CFAP299: variants seen among roughly 807,000 people sequenced by gnomAD.
CFAP299 encodes the protein cilia and flagella associated protein 299, also known as cilia- and flagella-associated protein 299.
CFAP299 carries 21 observed loss-of-function variants against 27.0 expected under a neutral mutation model. The observed-to-expected ratio is 0.78, with a 90% CI of 0.55 to 1.12. The LOEUF (loss-of-function observed/expected upper bound fraction) is 1.12, where lower values mean the gene tolerates loss of function less well. Ranked by LOEUF, CFAP299 falls within the 50% of genes most tolerant of loss-of-function variation. CFAP299 has a pLI of 0.00. For missense variants in CFAP299, 310 were observed against 276.6 expected (o/e 1.12, Z -0.86); for synonymous variants, 104 against 98.1 (o/e 1.06, Z -0.36).
intron 3 of CFAP299, among the ~76,000 whole-genome samples, chr4:80,779,644 C>G (rs1726756414): frequency 6.6e-6 from 1 of 151,936 alleles, no homozygotes; most frequent in African/African-American, 2.4e-5. Flanking sequence ...GTCTTCTTAA[C>G]CTTCCTTCAG....
chr4:80,861,920 G>A (rs1323304394), intron 3 of CFAP299, among the ~76,000 whole-genome samples: 1 of 151,914 alleles, frequency 6.6e-6, no homozygotes, highest in Non-Finnish European at 1.5e-5. Context: ...TAAATTACCA[G>A]TTCATATATA....
intron 3 of CFAP299, among the ~76,000 whole-genome samples, chr4:80,629,856 G>A (rs1225353260): frequency 8.2e-5 from 12 of 145,648 alleles, no homozygotes; most frequent in Admixed American, 7.8e-4. Context: ...CTTTAGCCTG[G>A]AGACTCTGTA....
intron 3 of CFAP299, among the ~76,000 whole-genome samples, chr4:80,842,190 T>C (rs1044100053): frequency 1.3e-5 from 2 of 152,116 alleles, no homozygotes; most frequent in Non-Finnish European, 2.9e-5. Context: ...TGTTGAGCAA[T>C]ATTCATGGGT....
At chr4:80,716,568 G>A (rs1047424430) in intron 3 of CFAP299, among the ~76,000 whole-genome samples, 4 of 152,062 alleles carry the variant, frequency 2.6e-5, no homozygotes, top group South Asian at 2.1e-4. Context: ...TGTATGCATC[G>A]TTGTTCTTCC....
chr4:80,571,306 C>T (rs902048407), intron 2 of CFAP299, among the ~76,000 whole-genome samples: 1 of 151,882 alleles, frequency 6.6e-6, no homozygotes, highest in Non-Finnish European at 1.5e-5. Context: ...CGGCAAGTTT[C>T]CTTGGTGCTT....
At chr4:80,754,466 G>A (rs2110073277) in intron 3 of CFAP299, among the ~76,000 whole-genome samples, 1 of 152,106 alleles carries the variant, frequency 6.6e-6, no homozygotes, top group African/African-American at 2.4e-5. Context: ...TTGTCAATGA[G>A]TATTGAAGAA....
intron 2 of CFAP299, among the ~76,000 whole-genome samples, chr4:80,479,025 G>A (rs887935774): frequency 1.2e-4 from 18 of 151,736 alleles, no homozygotes; most frequent in East Asian, 1.9e-4. Context: ...GATTAATTCC[G>A]TAAGAATTAT....
intron 3 of CFAP299, among the ~76,000 whole-genome samples, chr4:80,727,160 G>GA (rs960698811): frequency 4.0e-5 from 6 of 151,802 alleles, no homozygotes; most frequent in Non-Finnish European, 5.9e-5. Flanking sequence ...ATCTTTTCTG[G>GA]AAAAAATATT....
intron 3 of CFAP299, among the ~76,000 whole-genome samples, chr4:80,689,006 G>C (rs1181246426): frequency 2.6e-5 from 4 of 152,286 alleles, no homozygotes; most frequent in African/African-American, 9.6e-5. Flanking sequence ...AAGATAAAAA[G>C]AAACGAGCAA....
chr4:80,736,702 T>G (rs1015458887), intron 3 of CFAP299, among the ~76,000 whole-genome samples: 7 of 152,166 alleles, frequency 4.6e-5, no homozygotes, highest in Non-Finnish European at 8.8e-5. Context: ...GGAACACTTT[T>G]ACACTGTTGG....
chr4:80,909,203 GAACAATT>G (rs1228229720), intron 4 of CFAP299, among the ~76,000 whole-genome samples: 1 of 150,924 alleles, frequency 6.6e-6, no homozygotes, highest in Non-Finnish European at 1.5e-5. Context: ...ACTTAACTAC[GAACAATT>G]AACTAAATTT....
At chr4:80,469,821 G>A (rs576070087) in intron 2 of CFAP299, among the ~76,000 whole-genome samples, 24 of 152,076 alleles carry the variant, frequency 1.6e-4, no homozygotes, top group South Asian at 1.5e-3. Context: ...AAGTCTTCTT[G>A]TATATTTACC....
chr4:80,702,115 A>G (rs1469521983), intron 3 of CFAP299, among the ~76,000 whole-genome samples: 1 of 151,868 alleles, frequency 6.6e-6, no homozygotes, highest in African/African-American at 2.4e-5. Context: ...GAAGAAATGC[A>G]TAAATATATT....
At chr4:80,580,377 G>T (rs1327520088) in intron 2 of CFAP299, among the ~76,000 whole-genome samples, 3 of 152,028 alleles carry the variant, frequency 2.0e-5, no homozygotes, top group Non-Finnish European at 2.9e-5. Context: ...GAAAGTTAGG[G>T]TTGTGTTGCC....
chr4:80,582,326 T>A (rs1190840261), intron 2 of CFAP299, among the ~76,000 whole-genome samples: 2 of 151,910 alleles, frequency 1.3e-5, no homozygotes, highest in Non-Finnish European at 2.9e-5. Flanking sequence ...GGTTTATGTA[T>A]CTGTTTACCT....
intron 3 of CFAP299, among the ~76,000 whole-genome samples, chr4:80,866,273 T>TA (rs930487705): frequency 5.9e-5 from 9 of 151,552 alleles, no homozygotes; most frequent in East Asian, 2.0e-4. Context: ...GTTGAAAATT[T>TA]AAAAAAATCA....
chr4:80,657,408 G>A (rs953317173), intron 3 of CFAP299, among the ~76,000 whole-genome samples: 3 of 152,072 alleles, frequency 2.0e-5, no homozygotes, highest in Non-Finnish European at 4.4e-5. Flanking sequence ...TTTTGTATAA[G>A]GTGTAAGGAA....
At position 80,593,690 on chromosome 4, in the gene CFAP299, G is replaced by T. The variant is rs116726947; in HGVS notation, c.333+10507G>T. 6.7e-3 allele frequency among the ~76,000 whole-genome samples: 1,018 copies of T among 152,122 alleles called. 12 individuals carry two copies. Among genetic ancestry groups the T allele is most frequent in the African/African-American group, 0.023 (968 of 41,526 alleles). On this transcript the variant is annotated intron_variant, in intron 3 of 5. Transcript: ENST00000358105. The stretch of plus-strand genomic sequence containing the variant: ...GATTTTTGTCTACTGATTTTGTGTT[G>T]TTCATTTTGTTGATGTCTGATGTTT...
intron 3 of CFAP299, among the ~76,000 whole-genome samples, chr4:80,663,206 A>G (rs1449316504): frequency 6.6e-6 from 1 of 152,086 alleles, no homozygotes; most frequent in Non-Finnish European, 1.5e-5. Flanking sequence ...ACATACGTAT[A>G]CACGTGCCAT....
Sources: allele counts gnomAD v4.1 joint callset (sites outside exome capture counted in the v4.1 genomes callset), GRCh38; gene constraint gnomAD v4.1.1; transcripts MANE v1.5; gene names NCBI Gene and HGNC (gene_info 2026-07-23, HGNC 2026-07-21).